The following PECAM1 variants were observed in gnomAD, a reference collection of about 807,000 sequenced individuals.
The protein encoded by PECAM1 is platelet endothelial cell adhesion molecule.
PECAM1 carries 8 observed loss-of-function variants against 13.8 expected under a neutral mutation model. The ratio of observed to expected loss-of-function variants is 0.58; its 90% CI spans 0.34 to 1.05. The LOEUF is 1.05. Ranked by LOEUF, PECAM1 falls within the 50% of genes least tolerant of loss-of-function variation. The pLI is 0.03. For missense variants in PECAM1, 304 were observed against 141.2 expected, an observed-to-expected ratio of 2.15 and a Z score of -5.84; for synonymous variants, 136 against 52.6, an observed-to-expected ratio of 2.58 and a Z score of -6.86.
Position 64,321,520 on chromosome 17 carries a change from G to A in PECAM1, c.*2296C>T. 1 of 857,630 alleles carries A rather than the reference G, an allele frequency of 1.2e-6. No individual in the cohort carries two copies. 53.1% of individuals were successfully genotyped at this position (857,630 alleles called of 1,614,324 possible). On this transcript the variant is annotated 3_prime_UTR_variant, in exon 16 of 16. Coordinates refer to ENST00000563924, the MANE Select transcript of PECAM1 (RefSeq NM_000442.5). The stretch of plus-strand genomic sequence containing the variant: ...TGCCTGCAATCCCAGCACTTTGCGA[G>A]GCCAAGGAGGGAGGATCACTTGAGC...
At chr17:64,387,193 G>A (rs1220341351) in intron 2 of PECAM1, among the ~76,000 whole-genome samples, 4 of 152,180 alleles carry the variant, frequency 2.6e-5, no homozygotes, top group African/African-American at 9.7e-5. Flanking sequence ...CAGGAAAGGG[G>A]TACAGGGAGC....
At chr17:64,329,650 C>T (rs782531400) in intron 15 of PECAM1, 50 bp downstream of exon 15, 1 of 731,736 alleles carries the variant, frequency 1.4e-6, no homozygotes, top group South Asian at 1.5e-5. Context: ...AAATATTTCA[C>T]TGTTCAGTGG....
At chr17:64,329,113 T>G (rs2035035376) in intron 15 of PECAM1, among the ~76,000 whole-genome samples, 1 of 152,128 alleles carries the variant, frequency 6.6e-6, no homozygotes, top group Admixed American at 6.6e-5. Flanking sequence ...CCCTCAATGC[T>G]GCCATCACTC....
At chr17:64,368,046 G>C (rs1305612401) in intron 5 of PECAM1, among the ~76,000 whole-genome samples, 1 of 152,088 alleles carries the variant, frequency 6.6e-6, no homozygotes, top group Non-Finnish European at 1.5e-5. Flanking sequence ...GTAAATAACT[G>C]AACAAATGAA....
intron 2 of PECAM1, among the ~76,000 whole-genome samples, chr17:64,386,683 G>A (rs2036600633): frequency 6.6e-6 from 1 of 152,044 alleles, no homozygotes; most frequent in African/African-American, 2.4e-5. Flanking sequence ...TGTTATCCCA[G>A]CACTTTCGGA....
intron 8 of PECAM1, among the ~76,000 whole-genome samples, chr17:64,355,824 T>C (rs1181901608): frequency 6.6e-6 from 1 of 152,160 alleles, no homozygotes; most frequent in African/African-American, 2.4e-5. Flanking sequence ...CTACAGGTGG[T>C]CTGTGGTTGG....
At chr17:64,377,613 A>AAAGAAAGGAAGGAAGGAAGGAAGG (rs2036388557) in intron 3 of PECAM1, 1 of 95,968 alleles carries the variant, frequency 1.0e-5, no homozygotes, top group African/African-American at 1.1e-4. Context: ...TCCATCAAAG[A>AAAGAAAGGAAGGAAGGAAGGAAGG]AAGAAAGGAA....
chr17:64,340,294 GACTGTACTCGGAGGAGTC>G (rs2035393058), intron 14 of PECAM1, among the ~76,000 whole-genome samples: 1 of 152,134 alleles, frequency 6.6e-6, no homozygotes, highest in Admixed American at 6.5e-5. Flanking sequence ...CTGGTTTGCC[GACTGTACTCGGAGGAGTC>G]ATCCTTTTAT....
chr17:64,352,487 A>G (rs1351286691), intron 10 of PECAM1, 24 bp from the exon 11 acceptor site: 11 of 463,828 alleles, frequency 2.4e-5, no homozygotes, highest in Admixed American at 1.3e-4. Flanking sequence ...ATAAAAACAG[A>G]AAACAATATA....
chr17:64,353,593 C>A, intron 9 of PECAM1, 75 bp from the exon 10 acceptor site: 1 of 439,996 alleles, frequency 2.3e-6, no homozygotes, highest in East Asian at 3.3e-5. Context: ...GCCAAAACGC[C>A]AATGGCTTTT....
At chr17:64,357,590 G>A (rs1000880588) in intron 7 of PECAM1, among the ~76,000 whole-genome samples, 5 of 152,210 alleles carry the variant, frequency 3.3e-5, no homozygotes, top group African/African-American at 9.6e-5. Context: ...GTAAGACAAT[G>A]GAAGAAGCCA....
At chr17:64,332,421 A>C (rs2035149875) in intron 14 of PECAM1, among the ~76,000 whole-genome samples, 1 of 152,232 alleles carries the variant, frequency 6.6e-6, no homozygotes, top group Non-Finnish European at 1.5e-5. Context: ...TCTGAAGACA[A>C]AATGTGAAAA....
chr17:64,374,380 C>G (rs2036309981), intron 4 of PECAM1, among the ~76,000 whole-genome samples: 1 of 151,560 alleles, frequency 6.6e-6, no homozygotes, highest in African/African-American at 2.4e-5. Flanking sequence ...TCCCAGCTAC[C>G]CAGGAGGCTG....
chr17:64,346,226 T>G (rs920759894), intron 13 of PECAM1, among the ~76,000 whole-genome samples: 3 of 151,980 alleles, frequency 2.0e-5, no homozygotes, highest in African/African-American at 7.2e-5. Flanking sequence ...CTGCTTCCTT[T>G]GAGCGTGCAG....
chr17:64,384,499 C>T lies in PECAM1; in HGVS notation c.91+5990G>A, dbSNP rs1292715808. Among the ~76,000 whole-genome samples the T allele has an allele frequency of 2.0e-5, 3 of 152,284 alleles. No homozygotes were observed. The East Asian group carries it at 5.8e-4, about 29-fold the overall frequency. On this transcript the variant is annotated intron_variant, in intron 2 of 15. Transcript: ENST00000563924. ...CATCAGGTAATAAAAGACAATGCAG[C>T]TTTTATCCTGATCACTCTCTCTCCT...
chr17:64,387,484 T>TC (rs1255287587), intron 2 of PECAM1, among the ~76,000 whole-genome samples: 4 of 152,086 alleles, frequency 2.6e-5, no homozygotes, highest in African/African-American at 9.7e-5. Context: ...GAGTTCCCAT[T>TC]CACTGAGAGA....
intron 14 of PECAM1, among the ~76,000 whole-genome samples, chr17:64,331,132 T>G (rs1195439580): frequency 3.9e-5 from 6 of 151,900 alleles, no homozygotes; most frequent in Non-Finnish European, 8.8e-5. Flanking sequence ...TCTTAGCAGA[T>G]CTGGGCAACT....
At chr17:64,390,292 A>G (rs1402283364) in intron 2 of PECAM1, 197 bp downstream of exon 2, 4 of 399,268 alleles carry the variant, frequency 1.0e-5, no homozygotes, top group Non-Finnish European at 1.8e-5. Context: ...TCTAAAACAC[A>G]CTGACCAGAA....
intron 4 of PECAM1, 121 bp from the exon 5 acceptor site, chr17:64,370,146 A>T (rs2036207974): frequency 5.0e-6 from 2 of 397,378 alleles, no homozygotes; most frequent in Non-Finnish European, 8.9e-6. Flanking sequence ...AACTTTAAAA[A>T]TTCAACCTTT....
Sources: allele counts gnomAD v4.1 joint callset (sites outside exome capture counted in the v4.1 genomes callset), GRCh38; gene constraint gnomAD v4.1.1; transcripts MANE v1.5; gene names NCBI Gene and HGNC (gene_info 2026-07-23, HGNC 2026-07-21).